The following STK39 variants were observed in gnomAD, a reference collection of about 807,000 sequenced individuals.
STK39 encodes serine/threonine kinase 39, also known as STE20/SPS1-related proline-alanine-rich protein kinase.
STK39 carries 20 observed loss-of-function variants against 77.8 expected under a neutral mutation model. The observed-to-expected ratio is 0.26, with a 90% CI of 0.18 to 0.37. The LOEUF is 0.37. Among genes scored for constraint, STK39 ranks in the 10% least tolerant of loss-of-function variants. The probability of loss-of-function intolerance (pLI) is 1.00; values close to 1 mark genes in which losing one functional copy is unlikely to be tolerated. For missense variants in STK39, 479 were observed against 656.5 expected (o/e 0.73, Z 2.95); for synonymous variants, 246 against 234.1 (o/e 1.05, Z -0.47).
chr2:168,050,361 A>T (rs1196844538), intron 14 of STK39, among the ~76,000 whole-genome samples: 1 of 152,256 alleles, frequency 6.6e-6, no homozygotes, highest in Non-Finnish European at 1.5e-5. Context: ...AATAGCTCCG[A>T]AATACGTCCA....
intron 7 of STK39, among the ~76,000 whole-genome samples, chr2:168,139,408 T>TTA (rs71003023): frequency 0.019 from 2,691 of 144,514 alleles, 57 homozygotes; most frequent in Middle Eastern, 0.044. Flanking sequence ...TAAAAAAAAT[T>TTA]TATATATATA....
intron 10 of STK39, among the ~76,000 whole-genome samples, chr2:168,082,242 T>C (rs1686253775): frequency 1.3e-5 from 2 of 152,236 alleles, no homozygotes; most frequent in Non-Finnish European, 2.9e-5. Context: ...GTCTCTCTTA[T>C]ACTTCTACCA....
At chr2:168,100,112 C>T (rs1001407218) in intron 10 of STK39, among the ~76,000 whole-genome samples, 2 of 152,188 alleles carry the variant, frequency 1.3e-5, no homozygotes, top group Non-Finnish European at 2.9e-5. Context: ...ATCAATTTTT[C>T]ATACAGTTTA....
chr2:168,205,104 T>A (rs984948543), intron 1 of STK39, among the ~76,000 whole-genome samples: 1 of 152,258 alleles, frequency 6.6e-6, no homozygotes, highest in African/African-American at 2.4e-5. Context: ...TAAATATTAA[T>A]GGTAGAATAT....
intron 1 of STK39, among the ~76,000 whole-genome samples, chr2:168,195,881 GTGGCGGGCACC>G (rs1689457056): frequency 6.6e-6 from 1 of 152,184 alleles, no homozygotes; most frequent in Non-Finnish European, 1.5e-5. Context: ...GATGGGCGTG[GTGGCGGGCACC>G]TGTAATCCCA....
chr2:168,042,064 T>C (rs573557259), intron 14 of STK39, among the ~76,000 whole-genome samples: 2 of 152,332 alleles, frequency 1.3e-5, no homozygotes, highest in East Asian at 1.9e-4. Flanking sequence ...TAGACAACTA[T>C]AATTTCCTGG....
chr2:167,960,787 T>C (rs1691935274), intron 17 of STK39, among the ~76,000 whole-genome samples: 1 of 151,734 alleles, frequency 6.6e-6, no homozygotes, highest in Admixed American at 6.6e-5. Context: ...CCCCCCACCA[T>C]AGAGTCTGAG....
intron 5 of STK39, among the ~76,000 whole-genome samples, chr2:168,147,408 T>C (rs1229646621): frequency 3.3e-5 from 5 of 152,230 alleles, no homozygotes; most frequent in African/African-American, 1.2e-4. Context: ...AAGAAGTACA[T>C]TGTGACTTCA....
At chr2:168,232,611 T>A (rs940881616) in intron 1 of STK39, among the ~76,000 whole-genome samples, 1 of 152,128 alleles carries the variant, frequency 6.6e-6, no homozygotes, top group African/African-American at 2.4e-5. Flanking sequence ...TCCAATGGGC[T>A]TTAAGGAACA....
chr2:168,112,453 T>C (rs924872433), intron 10 of STK39, among the ~76,000 whole-genome samples: 2 of 152,080 alleles, frequency 1.3e-5, no homozygotes, highest in Non-Finnish European at 2.9e-5. Context: ...AGTTGTTTGA[T>C]TAAGTGTGTA....
intron 16 of STK39, among the ~76,000 whole-genome samples, chr2:167,970,710 T>C (rs1004486392): frequency 3.3e-5 from 5 of 152,198 alleles, no homozygotes; most frequent in Admixed American, 6.5e-5. Flanking sequence ...GCAGACAAGA[T>C]TGAAAACCTA....
chr2:168,121,673 C>T (rs1400161236), intron 10 of STK39, among the ~76,000 whole-genome samples: 1 of 152,242 alleles, frequency 6.6e-6, no homozygotes, highest in Non-Finnish European at 1.5e-5. Context: ...CTACAGGACA[C>T]TCTCTTCACT....
chr2:168,101,380 T>C (rs929087793), intron 10 of STK39, among the ~76,000 whole-genome samples: 1 of 152,148 alleles, frequency 6.6e-6, no homozygotes, highest in African/African-American at 2.4e-5. Flanking sequence ...AAAGCCTACA[T>C]TTGAGAGCTT....
chr2:168,215,583 T>A (rs539623644), intron 1 of STK39, among the ~76,000 whole-genome samples: 37 of 152,304 alleles, frequency 2.4e-4, no homozygotes, highest in African/African-American at 8.7e-4. Context: ...CCTGCTCAAA[T>A]ACAGTGTATC....
chr2:168,039,631 G>C (rs998107754), intron 14 of STK39, among the ~76,000 whole-genome samples: 3 of 150,896 alleles, frequency 2.0e-5, no homozygotes, highest in African/African-American at 7.4e-5. Context: ...AAGCAGATCA[G>C]TGACTGCCTT....
At chr2:168,166,867 A>AAGAAAGGACTCAAGG (rs140654043) in intron 3 of STK39, among the ~76,000 whole-genome samples, 19 of 152,292 alleles carry the variant, frequency 1.2e-4, no homozygotes, top group African/African-American at 4.6e-4. Flanking sequence ...CAATGTTAAA[A>AAGAAAGGACTCAAGG]AGAAAGGACT....
At chr2:168,036,246 T>C (rs1022129543) in intron 14 of STK39, among the ~76,000 whole-genome samples, 3 of 149,552 alleles carry the variant, frequency 2.0e-5, no homozygotes, top group Non-Finnish European at 3.0e-5. Context: ...TTGCTGGCCA[T>C]GGTTGAAAGA....
rs1229565484 is a variant in STK39, at chr2:168,117,297, G to A, written c.1089+12244C>T. Among the ~76,000 whole-genome samples, 4 of 152,302 alleles carry A rather than the reference G, an allele frequency of 2.6e-5. No homozygotes were observed. In the East Asian group the frequency reaches 5.8e-4, roughly 22 times the overall value. ...CTATTCTTCTTTAAAACTAAAAGCAGATTTCCTCTACCTCCCCTTGCACTC... is the reference window on the plus strand; with the variant it reads ...CTATTCTTCTTTAAAACTAAAAGCAAATTTCCTCTACCTCCCCTTGCACTC... On this transcript the variant is annotated intron_variant, in intron 10 of 17. Coordinates refer to ENST00000355999, the MANE Select transcript of STK39 (RefSeq NM_013233.3).
intron 1 of STK39, among the ~76,000 whole-genome samples, chr2:168,183,909 C>T (rs11898447): frequency 0.033 from 5,073 of 152,302 alleles, 261 homozygotes; most frequent in East Asian, 0.23. Flanking sequence ...GAACAAGACA[C>T]TATCACTGAA....
Sources: allele counts gnomAD v4.1 joint callset (sites outside exome capture counted in the v4.1 genomes callset), GRCh38; gene constraint gnomAD v4.1.1; transcripts MANE v1.5; gene names NCBI Gene and HGNC (gene_info 2026-07-23, HGNC 2026-07-21).